SCAMP5: variants seen among roughly 807,000 people sequenced by gnomAD.
The protein encoded by SCAMP5 is secretory carrier membrane protein 5.
Under a neutral mutation model 28.3 loss-of-function variants are expected in SCAMP5, and 7 were observed. The observed-to-expected ratio is 0.25, with a 90% CI of 0.14 to 0.46. The LOEUF is 0.46. Among genes scored for constraint, SCAMP5 ranks in the 20% least tolerant of loss-of-function variants. The pLI is 0.99. For missense variants in SCAMP5, 192 were observed against 312.5 expected (o/e 0.61, Z 2.91); for synonymous variants, 117 against 116.4 (o/e 1.00, Z -0.03).
Position 75,020,473 on chromosome 15 carries a change from TG to T in SCAMP5, c.*1491del, listed in dbSNP as rs2141462082. On this transcript the variant is annotated 3_prime_UTR_variant, in exon 7 of 7. Transcript: ENST00000425597. ...AGGGGAGGCTCTCTGGCTTTAGTTT[TG>T]TTTTGTTTTCCAAATCAAGGTAACT... 1 of 152,820 alleles carries T rather than the reference TG, an allele frequency of 6.5e-6. No homozygotes were observed. Among genetic ancestry groups the T allele is most frequent in the African/African-American group, 2.4e-5 (1 of 41,560 alleles). The allele number at this position is 152,820 out of a possible 1,614,324, so 9.5% of individuals were successfully genotyped here.
chr15:75,011,615 C>T, intron 1 of SCAMP5, 177 bp from the exon 2 acceptor site: 1 of 404,332 alleles, frequency 2.5e-6, no homozygotes. Flanking sequence ...TGGTAAGATG[C>T]AGCTGGTGGA....
At chr15:75,016,371 GTC>G (rs2065859666) in intron 3 of SCAMP5, among the ~76,000 whole-genome samples, 1 of 152,176 alleles carries the variant, frequency 6.6e-6, no homozygotes, top group African/African-American at 2.4e-5. Flanking sequence ...TGTCTCCTGT[GTC>G]TCTGTATGTA....
intron 3 of SCAMP5, among the ~76,000 whole-genome samples, chr15:75,013,955 T>C (rs1251878715): frequency 1.3e-5 from 2 of 151,316 alleles, no homozygotes; most frequent in African/African-American, 2.4e-5. Flanking sequence ...GGGAAAGGTG[T>C]CTTCTTGGGG....
intron 1 of SCAMP5, among the ~76,000 whole-genome samples, chr15:75,005,497 T>C (rs2065748595): frequency 1.3e-5 from 2 of 152,168 alleles, no homozygotes; most frequent in African/African-American, 2.4e-5. Flanking sequence ...GCTTCCCCAT[T>C]GCATTTGGTT....
chr15:75,000,984 G>A (rs1164612224), intron 1 of SCAMP5, among the ~76,000 whole-genome samples: 1 of 151,958 alleles, frequency 6.6e-6, no homozygotes, highest in African/African-American at 2.4e-5. Context: ...CTCCAGGCCG[G>A]GCGCGGTGGC....
chr15:75,017,505 A>C, intron 4 of SCAMP5: 1 of 453,694 alleles, frequency 2.2e-6, no homozygotes, highest in Non-Finnish European at 3.9e-6. Context: ...CTATGAGACC[A>C]TCCATCCATG....
At position 75,012,824 on chromosome 15, in the gene SCAMP5, G is replaced by C. The variant is rs761112195; in HGVS notation, c.136+19G>C. The C allele has an allele frequency of 1.2e-6, 2 of 1,613,704 alleles. No individual in the cohort carries two copies. The highest frequency in any genetic ancestry group is 3.3e-5 in the Admixed American group (2 of 60,020). On this transcript the variant is annotated intron_variant, in intron 3 of 6. Transcript: ENST00000425597. The stretch of plus-strand genomic sequence containing the variant: ...TGGATGTGTGAGTGCCATGGGATGG[G>C]GGTGGGCCAGGGTGGCTGGAGGAGG...
rs2065653992 is a variant in SCAMP5 at position 74,996,372 on chromosome 15, C to T, written c.-49+699C>T. On this transcript the variant is annotated intron_variant, in intron 1 of 6. Transcript: ENST00000425597. This position sits in a 1 kb window ranked among gnomAD's most constrained non-coding sequence, Gnocchi z 4.1. ...TCCTCCGCCTCGGGGAGCTCCTGGTCTGTGGGTTGGGGGAACCAAGTAGAG... is the reference window on the plus strand; with the variant it reads ...TCCTCCGCCTCGGGGAGCTCCTGGTTTGTGGGTTGGGGGAACCAAGTAGAG... The T allele has an allele frequency of 6.6e-6, 1 of 152,414 alleles. No homozygotes were observed. Among genetic ancestry groups the T allele is most frequent in the African/African-American group, 2.4e-5 (1 of 41,452 alleles). 9.4% of individuals were successfully genotyped at this position (152,414 alleles called of 1,614,324 possible).
intron 3 of SCAMP5, among the ~76,000 whole-genome samples, chr15:75,014,504 A>G (rs543809653): frequency 6.6e-6 from 1 of 152,226 alleles, no homozygotes; most frequent in Non-Finnish European, 1.5e-5. Flanking sequence ...TCTGGGCCAC[A>G]CACAAGGTTC....
At chr15:75,003,907 AC>A (rs1327211578) in intron 1 of SCAMP5, among the ~76,000 whole-genome samples, 2 of 151,284 alleles carry the variant, frequency 1.3e-5, no homozygotes, top group Non-Finnish European at 1.5e-5. Flanking sequence ...TTTTATTTTT[AC>A]TTTTTTTTTT....
In SCAMP5 at chr15:75,018,907, C is replaced by T; in HGVS notation, c.632C>T (p.Ala211Val). The change falls in exon 7 of 7, where the codon GCA (alanine) becomes GTA (valine). Residue 211 changes from alanine (A) to valine (V), a missense_variant. By Grantham distance (64) the Ala-to-Val change is moderately conservative. Coordinates refer to ENST00000425597, the MANE Select transcript of SCAMP5 (RefSeq NM_138967.4). The surrounding 1 kb of genome is among the most constrained non-coding windows in gnomAD (Gnocchi z 5.6). Reference sequence around the variant, plus strand: ...GCAGCCCAGAACGCAGCCATGGGGGCAGCCCAGGGTGCCATGAATCAGCCT... The same window carrying T: ...GCAGCCCAGAACGCAGCCATGGGGGTAGCCCAGGGTGCCATGAATCAGCCT... ...QQAAQNAAMG[A>V]AQGAMNQPQT... 1 of 1,582,458 alleles carries T rather than the reference C, an allele frequency of 6.3e-7. No homozygotes were observed. The highest frequency in any genetic ancestry group is 2.2e-5 in the East Asian group (1 of 44,538).
Position 75,016,575 on chromosome 15 carries a change from G to A in SCAMP5, c.137-18G>A. ...TGGGTGTCTGTCTCTATGTGTGCAT[G>A]TGCTCCTGGGCCTGCAGTGAACAGC... On this transcript the variant is annotated intron_variant, in intron 3 of 6. Coordinates refer to ENST00000425597, the MANE Select transcript of SCAMP5 (RefSeq NM_138967.4). 1 of 1,607,590 alleles carries A rather than the reference G, an allele frequency of 6.2e-7. No individual in the cohort carries two copies. The highest frequency in any genetic ancestry group is 1.1e-5 in the South Asian group (1 of 90,380).
chr15:75,014,097 G>A (rs1282669638), intron 3 of SCAMP5, among the ~76,000 whole-genome samples: 1 of 152,180 alleles, frequency 6.6e-6, no homozygotes, highest in Admixed American at 6.5e-5. Flanking sequence ...CTGCAGTTGG[G>A]TTCTGCTATA....
chr15:75,017,367 T>C (rs2065867998), intron 4 of SCAMP5, among the ~76,000 whole-genome samples: 1 of 152,190 alleles, frequency 6.6e-6, no homozygotes, highest in Non-Finnish European at 1.5e-5. Flanking sequence ...AGAATATCCA[T>C]CTCAATGCTA....
At chr15:75,007,033 G>A (rs1399336427) in intron 1 of SCAMP5, among the ~76,000 whole-genome samples, 4 of 152,152 alleles carry the variant, frequency 2.6e-5, no homozygotes, top group Admixed American at 6.6e-5. Context: ...TTTCAGACTG[G>A]TTCTTGTGTC....
intron 1 of SCAMP5, among the ~76,000 whole-genome samples, chr15:74,998,737 G>A (rs1249737179): frequency 6.7e-6 from 1 of 150,288 alleles, no homozygotes; most frequent in Non-Finnish European, 1.5e-5. Flanking sequence ...CCATTTCTGT[G>A]ACCCTAGTCT....
rs180848212 is a variant in SCAMP5, at chr15:75,011,613, T to C, written c.-48-179T>C. ...CAGAGGGCGGGAGCAGCTGGTAAGA[T>C]GCAGCTGGTGGAAGGGTGGCTCTGG... On this transcript the variant is annotated intron_variant, in intron 1 of 6. Coordinates refer to ENST00000425597, the MANE Select transcript of SCAMP5 (RefSeq NM_138967.4). 2.5e-3 allele frequency: 1,032 copies of C among 405,250 alleles called. 6 individuals are homozygous for C. The highest frequency in any genetic ancestry group is 0.019 in the African/African-American group (942 of 50,074). The allele number at this position is 405,250 out of a possible 1,614,324, so 25.1% of individuals were successfully genotyped here.
At chr15:75,013,453 C>T (rs756128848) in intron 3 of SCAMP5, among the ~76,000 whole-genome samples, 1 of 152,106 alleles carries the variant, frequency 6.6e-6, no homozygotes, top group African/African-American at 2.4e-5. Context: ...GATCCCGGCA[C>T]TTTGGGAGGC....
intron 2 of SCAMP5, 27 bp downstream of exon 2, chr15:75,011,873 T>C (rs573623675): frequency 6.2e-7 from 1 of 1,607,144 alleles, no homozygotes. Context: ...GCTGTGTGGG[T>C]AGGACATGAC....
Sources: allele counts gnomAD v4.1 joint callset (sites outside exome capture counted in the v4.1 genomes callset), GRCh38; gene constraint gnomAD v4.1.1; non-coding constraint Gnocchi (gnomAD v3.1); transcripts MANE v1.5; gene names NCBI Gene and HGNC (gene_info 2026-07-23, HGNC 2026-07-21).